The following SLC36A1 variants were observed in gnomAD, a reference collection of about 807,000 sequenced individuals.
SLC36A1 encodes the protein proton-coupled amino acid transporter 1.
In SLC36A1, 30 loss-of-function variants were observed where a neutral mutation model predicts 47.5. The observed-to-expected ratio is 0.63, with a 90% CI of 0.47 to 0.86. The LOEUF is 0.86. Among genes scored for constraint, SLC36A1 ranks in the 40% least tolerant of loss-of-function variants. SLC36A1 has a pLI of 0.00. For synonymous variants in SLC36A1, 255 were observed against 249.7 expected (o/e 1.02, Z -0.20); for missense variants, 517 against 606.0 (o/e 0.85, Z 1.54).
chr5:151,346,404 C>T, the SLC36A1 span, among the ~76,000 whole-genome samples: 6 of 152,172 alleles, frequency 3.9e-5, no homozygotes, highest in African/African-American at 1.2e-4. Context: ...AGTGCACCCC[C>T]GAGAAACACA....
At chr5:151,419,265 A>G in the SLC36A1 span, among the ~76,000 whole-genome samples, 25,447 of 152,002 alleles carry the variant, frequency 0.17, 2,339 homozygotes, top group East Asian at 0.38. Context: ...CTCAGATCAC[A>G]ATTTTCAACC....
chr5:151,373,125 A>G, the SLC36A1 span, among the ~76,000 whole-genome samples: 1 of 152,126 alleles, frequency 6.6e-6, no homozygotes, highest in Non-Finnish European at 1.5e-5. Flanking sequence ...AATAAAAGAC[A>G]TAAAACTATA....
chr5:151,487,521 G>A (rs1759734152), intron 10 of SLC36A1, among the ~76,000 whole-genome samples: 1 of 152,182 alleles, frequency 6.6e-6, no homozygotes, highest in Admixed American at 6.5e-5. Flanking sequence ...CCAGAAGGCG[G>A]GGTTTCTTTT....
chr5:151,521,621 T>C, the SLC36A1 span: 2 of 1,614,150 alleles, frequency 1.2e-6, no homozygotes, highest in East Asian at 4.5e-5. Flanking sequence ...ATGTCCAGCT[T>C]ATGGCTGAGG....
At chr5:151,507,522 A>G in the SLC36A1 span, 3 of 1,614,166 alleles carry the variant, frequency 1.9e-6, no homozygotes, top group Non-Finnish European at 2.5e-6. Flanking sequence ...TGTGATGATC[A>G]GTAACTCCTG....
At chr5:151,510,427 AC>A in the SLC36A1 span, 1 of 390,454 alleles carries the variant, frequency 2.6e-6, no homozygotes, top group Non-Finnish European at 4.8e-6. Flanking sequence ...CAGGATAACA[AC>A]CATAGACACT....
At chr5:151,367,374 T>TTTTTTTTCCC in the SLC36A1 span, among the ~76,000 whole-genome samples, 1 of 145,466 alleles carries the variant, frequency 6.9e-6, no homozygotes, top group African/African-American at 2.6e-5. Context: ...TTTTTTTTTT[T>TTTTTTTTCCC]CCCCAGGGTA....
the SLC36A1 span, among the ~76,000 whole-genome samples, chr5:151,519,946 A>G: frequency 6.6e-6 from 1 of 152,198 alleles, no homozygotes; most frequent in African/African-American, 2.4e-5. Flanking sequence ...CACGCTCTCC[A>G]GTAGACTTTG....
chr5:151,378,589 C>A, the SLC36A1 span: 2 of 197,946 alleles, frequency 1.0e-5, no homozygotes, highest in South Asian at 2.1e-4. Flanking sequence ...CAGAAGAGGT[C>A]ATGGTGACCA....
At chr5:151,423,974 A>G in the SLC36A1 span, among the ~76,000 whole-genome samples, 1 of 76,672 alleles carries the variant, frequency 1.3e-5, no homozygotes, top group Non-Finnish European at 2.5e-5. Flanking sequence ...CTATTAAAAA[A>G]CAAACAAACA....
At chr5:151,477,218 T>C (rs940490166) in intron 9 of SLC36A1, among the ~76,000 whole-genome samples, 13 of 152,166 alleles carry the variant, frequency 8.5e-5, no homozygotes, top group Non-Finnish European at 2.9e-5. Flanking sequence ...GAATGTATTA[T>C]AGGGAAATAG....
the SLC36A1 span, among the ~76,000 whole-genome samples, chr5:151,388,759 C>G: frequency 6.6e-6 from 1 of 152,082 alleles, no homozygotes; most frequent in African/African-American, 2.4e-5. Flanking sequence ...ACTGGAAAAA[C>G]TAAAAAATTG....
chr5:151,477,719 A>C (rs1483195735), intron 9 of SLC36A1: 1 of 152,232 alleles, frequency 6.6e-6, no homozygotes, highest in East Asian at 1.9e-4. Context: ...GGTAATTGGC[A>C]TATCCATCTT....
intron 7 of SLC36A1, 71 bp from the exon 8 acceptor site, chr5:151,473,602 C>T (rs1354913918): frequency 1.0e-6 from 1 of 989,910 alleles, no homozygotes; most frequent in African/African-American, 1.6e-5. Flanking sequence ...CTCTCCGATT[C>T]AGAGTTCAAA....
At chr5:151,536,877 CT>C in the SLC36A1 span, among the ~76,000 whole-genome samples, 18 of 152,312 alleles carry the variant, frequency 1.2e-4, no homozygotes, top group African/African-American at 4.3e-4. Context: ...GGGCCTCATT[CT>C]TTGTCCTCTC....
the SLC36A1 span, chr5:151,550,605 G>C: frequency 6.2e-7 from 1 of 1,614,102 alleles, no homozygotes; most frequent in Non-Finnish European, 8.5e-7. Flanking sequence ...CTGTCAGTGT[G>C]TGCTGGGAGG....
chr5:151,512,723 G>C, the SLC36A1 span: 9 of 937,402 alleles, frequency 9.6e-6, no homozygotes, highest in Non-Finnish European at 8.0e-6. The surrounding 1 kb of genome is among the most constrained non-coding windows in gnomAD (Gnocchi z 4.1). Context: ...GGGGGTGTTT[G>C]GCTGTTTTAG....
chr5:151,483,745 C>G (rs1759157311), intron 10 of SLC36A1, among the ~76,000 whole-genome samples: 1 of 152,140 alleles, frequency 6.6e-6, no homozygotes, highest in Non-Finnish European at 1.5e-5. Context: ...CTGTTGAACC[C>G]TGGGGGCTGC....
chr5:151,549,847 A>G, the SLC36A1 span, among the ~76,000 whole-genome samples: 1 of 152,228 alleles, frequency 6.6e-6, no homozygotes, highest in African/African-American at 2.4e-5. Flanking sequence ...ATATGGTCAC[A>G]TAAATTTGGG....
Sources: allele counts gnomAD v4.1 joint callset (sites outside exome capture counted in the v4.1 genomes callset), GRCh38; gene constraint gnomAD v4.1.1; non-coding constraint Gnocchi (gnomAD v3.1); transcripts MANE v1.5; gene names NCBI Gene and HGNC (gene_info 2026-07-23, HGNC 2026-07-21).